FHIT: variants seen among roughly 807,000 people sequenced by gnomAD.
FHIT encodes bis(5'-adenosyl)-triphosphatase.
FHIT carries 19 observed loss-of-function variants against 17.9 expected under a neutral mutation model. The observed-to-expected ratio is 1.06, with a 90% CI of 0.74 to 1.56. FHIT has a LOEUF of 1.56. FHIT is among the 40% of genes most tolerant of loss of function. FHIT has a pLI of 0.00. For missense variants in FHIT, 248 were observed against 189.2 expected, an observed-to-expected ratio of 1.31 and a Z score of -1.82; for synonymous variants, 81 against 69.7, an observed-to-expected ratio of 1.16 and a Z score of -0.81.
intron 3 of FHIT, among the ~76,000 whole-genome samples, chr3:61,018,851 T>C (rs2032256056): frequency 6.6e-6 from 1 of 152,164 alleles, no homozygotes; most frequent in Non-Finnish European, 1.5e-5. Flanking sequence ...GTTGAAACTA[T>C]TTCCATTGTC....
intron 5 of FHIT, among the ~76,000 whole-genome samples, chr3:60,169,957 A>G (rs532234133): frequency 7.2e-5 from 11 of 152,312 alleles, no homozygotes; most frequent in Non-Finnish European, 1.3e-4. Flanking sequence ...TGAAATGACA[A>G]TGTAGCACAT....
At chr3:60,369,666 G>T (rs970387) in intron 5 of FHIT, among the ~76,000 whole-genome samples, 102,989 of 151,970 alleles carry the variant, frequency 0.68, 35,534 homozygotes, top group African/African-American at 0.81. Flanking sequence ...TCCTAAGGTA[G>T]GTCTCCTTCT....
intron 5 of FHIT, among the ~76,000 whole-genome samples, chr3:60,407,361 T>A (rs2107212357): frequency 6.6e-6 from 1 of 152,196 alleles, no homozygotes; most frequent in Non-Finnish European, 1.5e-5. Context: ...TATTCATCAA[T>A]TCACCCCAAA....
intron 5 of FHIT, among the ~76,000 whole-genome samples, chr3:60,083,651 C>T (rs147884240): frequency 1.3e-5 from 2 of 152,262 alleles, no homozygotes; most frequent in Admixed American, 6.5e-5. Context: ...GTCCCTCAAA[C>T]CTTTTCTCTA....
At chr3:60,615,019 A>T (rs913118950) in intron 4 of FHIT, among the ~76,000 whole-genome samples, 1 of 151,972 alleles carries the variant, frequency 6.6e-6, no homozygotes, top group Non-Finnish European at 1.5e-5. Flanking sequence ...TAGTAGAGAC[A>T]GGGTTTCACC....
chr3:61,219,065 T>C (rs1003697722), intron 1 of FHIT, among the ~76,000 whole-genome samples: 1 of 152,244 alleles, frequency 6.6e-6, no homozygotes, highest in Non-Finnish European at 1.5e-5. Context: ...CTATTGCTCC[T>C]AGGTTACAGA....
At chr3:60,694,281 T>C (rs1234678815) in intron 4 of FHIT, among the ~76,000 whole-genome samples, 5 of 150,792 alleles carry the variant, frequency 3.3e-5, no homozygotes, top group Admixed American at 2.0e-4. Flanking sequence ...CTAGCCAATG[T>C]GAAGCAACAT....
At chr3:60,591,656 A>C (rs528676719) in intron 4 of FHIT, among the ~76,000 whole-genome samples, 3 of 152,094 alleles carry the variant, frequency 2.0e-5, no homozygotes, top group Non-Finnish European at 4.4e-5. Flanking sequence ...TAGCTCTTCC[A>C]TATGTTACAC....
chr3:61,030,871 G>T (rs2032978744), intron 3 of FHIT, among the ~76,000 whole-genome samples: 1 of 152,172 alleles, frequency 6.6e-6, no homozygotes, highest in Non-Finnish European at 1.5e-5. Flanking sequence ...AAGCCCTAGG[G>T]CAGGTCTGTT....
intron 4 of FHIT, among the ~76,000 whole-genome samples, chr3:60,780,420 T>G (rs1490730977): frequency 6.6e-6 from 1 of 152,164 alleles, no homozygotes; most frequent in Non-Finnish European, 1.5e-5. Context: ...GGGTAAAGTT[T>G]TTTTTGCCAG....
chr3:59,942,579 C>T (rs551793267), intron 7 of FHIT, among the ~76,000 whole-genome samples: 2 of 152,328 alleles, frequency 1.3e-5, no homozygotes, highest in Non-Finnish European at 2.9e-5. Context: ...CCTCCAGAAT[C>T]AGAGCTTTCC....
intron 5 of FHIT, among the ~76,000 whole-genome samples, chr3:60,141,140 G>C (rs1700023882): frequency 6.6e-6 from 1 of 152,040 alleles, no homozygotes; most frequent in South Asian, 2.1e-4. Context: ...CATTTCGAGG[G>C]GGGATAACTG....
chr3:60,960,220 G>T (rs560685400), intron 3 of FHIT, among the ~76,000 whole-genome samples: 1 of 152,062 alleles, frequency 6.6e-6, no homozygotes, highest in Non-Finnish European at 1.5e-5. Flanking sequence ...GGTCTCCAAC[G>T]TCAGCAGGAA....
intron 1 of FHIT, among the ~76,000 whole-genome samples, chr3:61,231,234 C>T (rs1483128468): frequency 6.6e-6 from 1 of 152,198 alleles, no homozygotes; most frequent in East Asian, 1.9e-4. Flanking sequence ...ATGGCTCATG[C>T]CTGAAACCCC....
intron 7 of FHIT, among the ~76,000 whole-genome samples, chr3:60,010,253 G>A (rs1477610744): frequency 6.6e-6 from 1 of 152,210 alleles, no homozygotes; most frequent in African/African-American, 2.4e-5. Flanking sequence ...ACATGGAGGT[G>A]AGACAGTGGG....
chr3:59,871,891 T>C (rs982032627), intron 8 of FHIT, among the ~76,000 whole-genome samples: 1 of 152,134 alleles, frequency 6.6e-6, no homozygotes, highest in Non-Finnish European at 1.5e-5. Flanking sequence ...TCTTGCGCAC[T>C]GAAGACAAGA....
chr3:59,789,696 A>G (rs1699468803), intron 8 of FHIT, among the ~76,000 whole-genome samples: 1 of 152,178 alleles, frequency 6.6e-6, no homozygotes, highest in African/African-American at 2.4e-5. Flanking sequence ...GATGCATTAT[A>G]GGGAGGAAAG....
chr3:60,316,557 T>C lies in FHIT; in HGVS notation c.103+220303A>G, dbSNP rs1273546883. On this transcript the variant is annotated intron_variant, in intron 5 of 9. Coordinates refer to ENST00000492590, the MANE Select transcript of FHIT (RefSeq NM_002012.4). Reference sequence around the variant, plus strand: ...ACTATTTCTCAATCAGTATGTCTTATGGAAATATCTGCCAGTTTCCTTGTC... The same window carrying C: ...ACTATTTCTCAATCAGTATGTCTTACGGAAATATCTGCCAGTTTCCTTGTC... Among the ~76,000 whole-genome samples, 3 of 152,216 alleles carry C rather than the reference T, an allele frequency of 2.0e-5. No individual in the cohort carries two copies. The East Asian group carries it at 5.8e-4, about 29-fold the overall frequency.
chr3:60,062,260 G>C (rs574399083), intron 5 of FHIT, among the ~76,000 whole-genome samples: 1 of 152,074 alleles, frequency 6.6e-6, no homozygotes, highest in South Asian at 2.1e-4. Flanking sequence ...GTTGAGATGA[G>C]GAGATGCTGA....
Sources: allele counts gnomAD v4.1 joint callset (sites outside exome capture counted in the v4.1 genomes callset), GRCh38; gene constraint gnomAD v4.1.1; transcripts MANE v1.5; gene names NCBI Gene and HGNC (gene_info 2026-07-23, HGNC 2026-07-21).